ADAR: variants seen among roughly 807,000 people sequenced by gnomAD.
ADAR encodes double-stranded RNA-specific adenosine deaminase.
ADAR carries 41 observed loss-of-function variants against 113.2 expected under a neutral mutation model. That is an observed-to-expected ratio of 0.36 (90% confidence interval 0.28 to 0.47). The LOEUF (loss-of-function observed/expected upper bound fraction) is 0.47, where lower values mean the gene tolerates loss of function less well. Ranked by LOEUF, ADAR falls within the 20% of genes least tolerant of loss-of-function variation. The pLI is 1.00. For synonymous variants in ADAR, 605 were observed against 572.6 expected (o/e 1.06, Z -0.81); for missense variants, 1,242 against 1,540.9 (o/e 0.81, Z 3.25).
rs1470901197 is a variant in ADAR, at chr1:154,608,091, C to T, written c.-85G>A. On this transcript the variant is annotated 5_prime_UTR_variant, in exon 1 of 15. Transcript: ENST00000368474. ...TGGGCCGCGCCAGCCCCTCGAGGCC[C>T]CCACGCCTCCGCTACTCCGCACTGG... is the stretch of plus-strand genomic sequence containing the variant. 8.5e-5 allele frequency: 124 copies of T among 1,458,226 alleles called. No individual in the cohort carries two copies. Among genetic ancestry groups the T allele is most frequent in the Non-Finnish European group, 1.1e-4 (118 of 1,105,728 alleles). 90.3% of individuals were successfully genotyped at this position (1,458,226 alleles called of 1,614,324 possible).
chr1:154,604,723 G>C (rs1342590842), intron 1 of ADAR, among the ~76,000 whole-genome samples: 1 of 151,962 alleles, frequency 6.6e-6, no homozygotes, highest in Non-Finnish European at 1.5e-5. Context: ...TGTATTAACG[G>C]ATCCACCCTT....
At chr1:154,612,334 T>TG, upstream of ADAR, among the ~76,000 whole-genome samples, 1 of 135,158 alleles carries the variant, frequency 7.4e-6, no homozygotes, top group East Asian at 2.1e-4. Context: ...TTTTTTTTTT[T>TG]TTTTTTTTTT....
chr1:154,627,513 T>C (rs2101710489), intron 1 of ADAR, among the ~76,000 whole-genome samples: 1 of 152,084 alleles, frequency 6.6e-6, no homozygotes, highest in Non-Finnish European at 1.5e-5. Context: ...CAAGGGCCTT[T>C]GGTACCCAGC....
chr1:154,617,431 A>T (rs1193184765), intron 1 of ADAR, among the ~76,000 whole-genome samples: 1 of 152,210 alleles, frequency 6.6e-6, no homozygotes, highest in East Asian at 1.9e-4. Flanking sequence ...ATTCTGCACG[A>T]AAGTGACCCT....
intron 1 of ADAR, among the ~76,000 whole-genome samples, chr1:154,627,696 C>T (rs995419477): frequency 6.6e-5 from 10 of 152,240 alleles, no homozygotes; most frequent in Non-Finnish European, 1.2e-4. Flanking sequence ...CCACTGTGCC[C>T]CTACCAGCTG....
In ADAR at chr1:154,601,440, T is replaced by C; in HGVS notation, c.1202A>G (p.Asn401Ser). ...TCNIPTSNASNNMVTTEKVEN... is the reference protein window; with the variant it reads ...TCNIPTSNASSNMVTTEKVEN... ...CACTTTTTCTGTGGTTACCATGTTA[T>C]TTGAGGCATTTGATGTGGGTATATT... Residue 401 changes from asparagine (N) to serine (S), a missense_variant, in exon 2 of 15, where the codon AAT becomes AGT. Transcript: ENST00000368474. This position sits in a 1 kb window ranked among gnomAD's most constrained non-coding sequence, Gnocchi z 4.7. The C allele has an allele frequency of 1.2e-6, 2 of 1,614,234 alleles. No homozygotes were observed. Among genetic ancestry groups the C allele is most frequent in the Non-Finnish European group, 1.7e-6 (2 of 1,180,054 alleles).
Position 154,601,538 on chromosome 1 carries a change from ATT to A in ADAR, c.1102_1103del (p.Asn368TyrfsTer6). 1 of 1,613,168 alleles carries A rather than the reference ATT, an allele frequency of 6.2e-7. No individual in the cohort carries two copies. The highest frequency in any genetic ancestry group is 8.5e-7 in the Non-Finnish European group (1 of 1,180,024). On this transcript the variant is annotated frameshift_variant, in exon 2 of 15. Transcript: ENST00000368474. LOFTEE classifies it high-confidence loss of function. The surrounding 1 kb of genome is among the most constrained non-coding windows in gnomAD (Gnocchi z 4.7). ...GAGCGGTTTCAGGAACACTGTTCGT[ATT>A]TCTCTTGATTTGCATCCTCTCTCGC... ...KKRERMQIKR[N>X]TNSVPETAPA... is the part of the protein sequence containing the mutation.
intron 2 of ADAR, 147 bp from the exon 3 acceptor site, chr1:154,598,732 AC>A (rs769741504): frequency 3.0e-5 from 24 of 788,340 alleles, no homozygotes; most frequent in Middle Eastern, 3.4e-4. Flanking sequence ...ACTCCTTCCT[AC>A]TCCTTAAGGC....
intron 2 of ADAR, chr1:154,600,170 C>G (rs1308075280): frequency 6.6e-6 from 1 of 152,362 alleles, no homozygotes; most frequent in Non-Finnish European, 1.5e-5. Flanking sequence ...TTTTTTCTTT[C>G]TTTTTCCAAG....
At chr1:154,610,572 AGGCC>A (rs1698450915), upstream of ADAR, among the ~76,000 whole-genome samples, 2 of 152,122 alleles carry the variant, frequency 1.3e-5, no homozygotes, top group African/African-American at 4.8e-5. Flanking sequence ...GCACTTTGGG[AGGCC>A]GAGGTGGGCG....
At chr1:154,600,988 G>A (rs1697833451) in intron 2 of ADAR, 53 bp downstream of exon 2, 8 of 1,611,848 alleles carry the variant, frequency 5.0e-6, no homozygotes, top group South Asian at 4.4e-5. Context: ...ACTGCGTCAG[G>A]AGCAAAAGCA....
chr1:154,609,409 C>G (rs901338803), upstream of ADAR, among the ~76,000 whole-genome samples: 1 of 152,226 alleles, frequency 6.6e-6, no homozygotes, highest in Non-Finnish European at 1.5e-5. Context: ...TATGAAATTA[C>G]AAGGCAGTCC....
upstream of ADAR, among the ~76,000 whole-genome samples, chr1:154,612,619 G>A (rs766833227): frequency 2.6e-5 from 4 of 151,840 alleles, no homozygotes; most frequent in African/African-American, 4.8e-5. Context: ...GAGCCACCAC[G>A]CCCAGCCTGC....
intron 8 of ADAR, 101 bp downstream of exon 8, chr1:154,589,656 T>C (rs1315096063): frequency 5.5e-6 from 8 of 1,467,118 alleles, no homozygotes; most frequent in Non-Finnish European, 7.6e-6. Flanking sequence ...ATGAAGTCTC[T>C]TCTCCCTGCC....
At chr1:154,593,600 A>G (rs543455451) in intron 6 of ADAR, among the ~76,000 whole-genome samples, 3 of 152,348 alleles carry the variant, frequency 2.0e-5, no homozygotes, top group African/African-American at 7.2e-5. Context: ...CTTAAAGATA[A>G]GGAGGTGCTT....
chr1:154,608,690 C>G (rs1410657683), upstream of ADAR: 1 of 152,216 alleles, frequency 6.6e-6, no homozygotes, highest in African/African-American at 2.4e-5. Context: ...CCTAATTCCC[C>G]GCACAGGCCG....
At chr1:154,607,208 C>T (rs1042974173) in intron 1 of ADAR, among the ~76,000 whole-genome samples, 7 of 151,974 alleles carry the variant, frequency 4.6e-5, no homozygotes, top group Non-Finnish European at 8.8e-5. Context: ...TGGACTCATA[C>T]AGTATGCAGC....
intron 1 of ADAR, chr1:154,605,864 G>T: frequency 3.9e-6 from 2 of 508,724 alleles, no homozygotes; most frequent in Non-Finnish European, 5.1e-6. Flanking sequence ...AAAAAAAATT[G>T]TGTTTCAAAG....
upstream of ADAR, among the ~76,000 whole-genome samples, chr1:154,608,455 A>G (rs1179309530): frequency 2.3e-5 from 3 of 132,832 alleles, no homozygotes; most frequent in Admixed American, 7.8e-5. Flanking sequence ...CAGCCTACGG[A>G]GTAGCTGGGA....
Sources: allele counts gnomAD v4.1 joint callset (sites outside exome capture counted in the v4.1 genomes callset), GRCh38; gene constraint gnomAD v4.1.1; non-coding constraint Gnocchi (gnomAD v3.1); transcripts MANE v1.5; gene names NCBI Gene and HGNC (gene_info 2026-07-23, HGNC 2026-07-21).